Variants in SLC15A5 observed in about 807,000 individuals in gnomAD.
The protein encoded by SLC15A5 is Peptide/histidine transporter ENSP00000340402.
In SLC15A5, 58 loss-of-function variants were observed where a neutral mutation model predicts 56.1. The observed-to-expected ratio is 1.03, with a 90% CI of 0.84 to 1.29. SLC15A5 has a LOEUF of 1.29. SLC15A5 is among the 50% of genes most tolerant of loss of function. SLC15A5 has a pLI of 0.00. For synonymous variants in SLC15A5, 264 were observed against 250.5 expected (o/e 1.05, Z -0.51); for missense variants, 681 against 672.1 (o/e 1.01, Z -0.15).
At chr12:16,201,239 G>T (rs1273748037) in intron 7 of SLC15A5, among the ~76,000 whole-genome samples, 2 of 152,034 alleles carry the variant, frequency 1.3e-5, no homozygotes, top group South Asian at 4.2e-4. Flanking sequence ...AATAGAAAAA[G>T]CAATCCTAAA....
rs758090798 is a variant in SLC15A5, at chr12:16,244,541, T to C, written c.975+39A>G. 6.0e-6 allele frequency: 9 copies of C among 1,509,018 alleles called. No homozygotes were observed. In the African/African-American group the frequency reaches 1.2e-4, roughly 21 times the overall value. The allele number at this position is 1,509,018 out of a possible 1,614,324, so 93.5% of individuals were successfully genotyped here. A position where few individuals can be genotyped will look rare whatever the true frequency, so the allele number is the denominator to read the frequency against. On this transcript the variant is annotated intron_variant, in intron 4 of 8. Transcript: ENST00000344941. ...ACTTGCACTGTTGACATGCAATCACTTTCCTGTTGTTGGGGTAGTACTCAT... is the reference window on the plus strand; with the variant it reads ...ACTTGCACTGTTGACATGCAATCACCTTCCTGTTGTTGGGGTAGTACTCAT...
At chr12:16,194,483 A>G (rs753110630) in intron 7 of SLC15A5, 30 bp from the exon 8 acceptor site, 21 of 1,383,364 alleles carry the variant, frequency 1.5e-5, no homozygotes, top group Non-Finnish European at 1.8e-5. Context: ...TTGTTATTCA[A>G]CTGCAGAGTT....
At chr12:16,241,898 TAGAAA>T (rs1203255267) in intron 4 of SLC15A5, among the ~76,000 whole-genome samples, 1 of 152,208 alleles carries the variant, frequency 6.6e-6, no homozygotes, top group African/African-American at 2.4e-5. Flanking sequence ...TGCCTAATCT[TAGAAA>T]AGGCTGCAGT....
At chr12:16,275,050 C>T (rs971884122) in intron 1 of SLC15A5, among the ~76,000 whole-genome samples, 5 of 151,918 alleles carry the variant, frequency 3.3e-5, no homozygotes, top group East Asian at 1.9e-4. Context: ...GATGGGGGTC[C>T]GCTGAAGGAA....
intron 6 of SLC15A5, among the ~76,000 whole-genome samples, chr12:16,219,049 C>G (rs1225935594): frequency 6.6e-6 from 1 of 152,124 alleles, no homozygotes. Context: ...TCCCATTTTG[C>G]ACTTCAGGAA....
chr12:16,191,528 A>G (rs540743388), intron 8 of SLC15A5, among the ~76,000 whole-genome samples: 42 of 152,206 alleles, frequency 2.8e-4, no homozygotes, highest in African/African-American at 1.0e-3. Flanking sequence ...ATATGTGCTG[A>G]GATTAAATAT....
chr12:16,221,073 T>G (rs927476880), intron 6 of SLC15A5, among the ~76,000 whole-genome samples: 1 of 152,174 alleles, frequency 6.6e-6, no homozygotes, highest in African/African-American at 2.4e-5. Context: ...GTTTCCTTGC[T>G]CAATGCCATC....
chr12:16,190,517 T>C (rs1211661189), intron 8 of SLC15A5, among the ~76,000 whole-genome samples: 1 of 152,112 alleles, frequency 6.6e-6, no homozygotes, highest in African/African-American at 2.4e-5. Flanking sequence ...TCCAGCAAAA[T>C]AGGAACTTCA....
Position 16,189,672 on chromosome 12 carries a change from A to G in SLC15A5, c.1736T>C (p.Leu579Pro), listed in dbSNP as rs755102688. The G allele has an allele frequency of 2.7e-6, 4 of 1,502,088 alleles. No individual in the cohort carries two copies. In the South Asian group the frequency reaches 3.9e-5, roughly 15 times the overall value. The allele number at this position is 1,502,088 out of a possible 1,614,324, so 93.0% of individuals were successfully genotyped here. A position where few individuals can be genotyped will look rare whatever the true frequency, so the allele number is the denominator to read the frequency against. The change falls in exon 9 of 9, where the codon CTA (leucine) becomes CCA (proline). Residue 579 changes from leucine (L) to proline (P), a missense_variant. Coordinates refer to ENST00000344941, the MANE Select transcript of SLC15A5 (RefSeq NM_001170798.1). ...SSSIDLWETAL is the reference protein window; with the variant it reads ...SSSIDLWETAP ...CAGGTAGACTCAAACACAGTTTCAT[A>G]GGGCTGTCTCCCAAAGATCAATACT...
intron 8 of SLC15A5, among the ~76,000 whole-genome samples, chr12:16,191,200 A>G (rs948348156): frequency 6.6e-6 from 1 of 152,070 alleles, no homozygotes. Context: ...ATATTTATGG[A>G]TAATTCCTAG....
chr12:16,215,226 AAAAC>A lies in SLC15A5; in HGVS notation c.1483+1663_1483+1666del, dbSNP rs1174063482. On this transcript the variant is annotated intron_variant, in intron 7 of 8. Transcript: ENST00000344941. ...TCAAAAAAAAAAAAAAAAAAAAAAA[AAAAC>A]CAAAGTGAGGATAGTCTTGGGGAGA... is the stretch of plus-strand genomic sequence containing the variant. Among the ~76,000 whole-genome samples the A allele has an allele frequency of 4.4e-3, 641 of 144,858 alleles. 62 individuals are homozygous for A. Among genetic ancestry groups the A allele is most frequent in the African/African-American group, 0.015 (589 of 38,216 alleles).
chr12:16,258,484 T>C lies in SLC15A5; in HGVS notation c.585-614A>G, dbSNP rs181471257. ...AAGTTCTGGGAAAATCATCTCTACC[T>C]CTCAACCTTTCACTGGGTATAAATC... is the stretch of plus-strand genomic sequence containing the variant. On this transcript the variant is annotated intron_variant, in intron 2 of 8. Transcript: ENST00000344941. 9.9e-5 allele frequency among the ~76,000 whole-genome samples: 15 copies of C among 152,260 alleles called. No homozygotes were observed. The East Asian group carries it at 2.1e-3, about 22-fold the overall frequency.
At chr12:16,267,077 C>T (rs1257200338) in intron 2 of SLC15A5, among the ~76,000 whole-genome samples, 1 of 152,062 alleles carries the variant, frequency 6.6e-6, no homozygotes, top group African/African-American at 2.4e-5. Flanking sequence ...TGATGTGCTT[C>T]GTGTTTACTT....
intron 2 of SLC15A5, 109 bp from the exon 3 acceptor site, chr12:16,257,979 TAACTG>T: frequency 9.9e-7 from 1 of 1,006,104 alleles, no homozygotes; most frequent in Non-Finnish European, 1.3e-6. Flanking sequence ...GATGGCATGT[TAACTG>T]AACCCAATTT....
chr12:16,196,630 C>T lies in SLC15A5; in HGVS notation c.1484-2177G>A, dbSNP rs924222003. On this transcript the variant is annotated intron_variant, in intron 7 of 8. Coordinates refer to ENST00000344941, the MANE Select transcript of SLC15A5 (RefSeq NM_001170798.1). The surrounding 1 kb of genome is among the most constrained non-coding windows in gnomAD (Gnocchi z 4.0). ...TCACATCAGCACTTTGCATGTCATG[C>T]GATTATACCTTTTTATCACCATGTT... Among the ~76,000 whole-genome samples the T allele has an allele frequency of 7.9e-5, 12 of 152,024 alleles. No individual in the cohort carries two copies. Among genetic ancestry groups the T allele is most frequent in the African/African-American group, 1.9e-4 (8 of 41,392 alleles).
At chr12:16,221,211 T>C (rs1565662160) in intron 6 of SLC15A5, among the ~76,000 whole-genome samples, 2 of 152,194 alleles carry the variant, frequency 1.3e-5, no homozygotes, top group Admixed American at 6.5e-5. Flanking sequence ...GTATATGTAC[T>C]TTTCGGAAAG....
chr12:16,257,764 T>G lies in SLC15A5; in HGVS notation c.691A>C (p.Met231Leu), dbSNP rs534210762. The G allele has an allele frequency of 5.9e-6, 9 of 1,531,248 alleles. No individual in the cohort carries two copies. The highest frequency in any genetic ancestry group is 1.7e-4 in the Middle Eastern group (1 of 5,970). The allele number at this position is 1,531,248 out of a possible 1,614,324, so 94.9% of individuals were successfully genotyped here. A position where few individuals can be genotyped will look rare whatever the true frequency, so the allele number is the denominator to read the frequency against. ...ALVLLIPFMS[M>L]LMAVITLHMI... is the part of the protein sequence containing the mutation. ...TGAAGAGTTATCACAGCCATAAGCA[T>G]AGACATAAAAGGAATAAGTAAAACA... Residue 231 changes from methionine to leucine, a missense_variant, in exon 3 of 9, where the codon ATG becomes CTG. Coordinates refer to ENST00000344941, the MANE Select transcript of SLC15A5 (RefSeq NM_001170798.1).
intron 7 of SLC15A5, among the ~76,000 whole-genome samples, chr12:16,210,041 T>C (rs1164559091): frequency 1.3e-5 from 2 of 152,212 alleles, no homozygotes; most frequent in African/African-American, 4.8e-5. Flanking sequence ...TGTGACTTCA[T>C]GCCATTTCCT....
In SLC15A5 at chr12:16,189,429, G is replaced by C. The variant is rs1263420823; in HGVS notation, c.*239C>G. 3 of 290,988 alleles carry C rather than the reference G, an allele frequency of 1.0e-5. No individual in the cohort carries two copies. The Admixed American group carries it at 1.5e-4, about 15-fold the overall frequency. 18.0% of individuals were successfully genotyped at this position (290,988 alleles called of 1,614,324 possible). On this transcript the variant is annotated 3_prime_UTR_variant, in exon 9 of 9. Transcript: ENST00000344941. Reference sequence around the variant, plus strand: ...GAAAACTGTCATTTTTTTTGTCATAGAGTAATCACTGAGACTTTGAAATTA... The same window carrying C: ...GAAAACTGTCATTTTTTTTGTCATACAGTAATCACTGAGACTTTGAAATTA...
Sources: gnomAD v4.1 joint callset for allele counts (sites outside exome capture counted in the v4.1 genomes callset) on GRCh38, gnomAD v4.1.1 for gene constraint, Gnocchi (gnomAD v3.1) non-coding constraint, MANE v1.5 for transcripts, NCBI Gene and HGNC (gene_info 2026-07-23, HGNC 2026-07-21) for gene names.